The following PIAS1 variants were observed in gnomAD, a reference collection of about 807,000 sequenced individuals.
PIAS1 encodes the protein protein inhibitor of activated STAT 1.
PIAS1 carries 6 observed loss-of-function variants against 71.3 expected under a neutral mutation model. That is an observed-to-expected ratio of 0.08 (90% CI 0.05 to 0.17). The LOEUF (loss-of-function observed/expected upper bound fraction) is 0.17. Ranked by LOEUF, PIAS1 falls within the 10% of genes least tolerant of loss-of-function variation. The pLI is 1.00. For synonymous variants in PIAS1, 303 were observed against 292.9 expected (o/e 1.03, Z -0.35); for missense variants, 555 against 793.6 (o/e 0.70, Z 3.61).
intron 1 of PIAS1, among the ~76,000 whole-genome samples, chr15:68,083,791 T>A (rs1455075287): frequency 2.0e-5 from 3 of 150,802 alleles, no homozygotes; most frequent in African/African-American, 7.3e-5. Flanking sequence ...ACCCAGTTAC[T>A]CAGGAGGCCG....
At chr15:68,130,440 T>G (rs1350223004) in intron 2 of PIAS1, among the ~76,000 whole-genome samples, 1 of 151,976 alleles carries the variant, frequency 6.6e-6, no homozygotes, top group Non-Finnish European at 1.5e-5. Flanking sequence ...TTTTTCTACA[T>G]GTATATGCAG....
chr15:68,062,550 C>T lies in PIAS1; in HGVS notation c.24+8200C>T, dbSNP rs574302701. Among the ~76,000 whole-genome samples the T allele has an allele frequency of 3.9e-5, 6 of 152,320 alleles. No homozygotes were observed. In the South Asian group the frequency reaches 8.3e-4, roughly 21 times the overall value. On this transcript the variant is annotated intron_variant, in intron 1 of 13. Coordinates refer to ENST00000249636, the MANE Select transcript of PIAS1 (RefSeq NM_016166.3). ...CCCAAACCTTACCTCACTCTTAGCC[C>T]TAGGCGACTGATAATCTATTTTGAG...
At position 68,072,399 on chromosome 15, in the gene PIAS1, C is replaced by CAAAAAAAAAA. The variant is rs1166484451; in HGVS notation, c.25-13887_25-13878dup. ...TGGGTGACAGAGCGAGACTCCATCTCAAAAAAAAAAAAAAAAAAAAAAAAA... is the reference window on the plus strand; with the variant it reads ...TGGGTGACAGAGCGAGACTCCATCTCAAAAAAAAAAAAAAAAAAAAAAAAAAAAAAAAAAA... On this transcript the variant is annotated intron_variant, in intron 1 of 13. Coordinates refer to ENST00000249636, the MANE Select transcript of PIAS1 (RefSeq NM_016166.3). 2.3e-3 allele frequency among the ~76,000 whole-genome samples: 58 copies of CAAAAAAAAAA among 25,026 alleles called. 5 individuals are homozygous for CAAAAAAAAAA. The highest frequency in any genetic ancestry group is 7.5e-3 in the African/African-American group (56 of 7,502). 16.4% of individuals were successfully genotyped at this position (25,026 alleles called of 152,430 possible). A position where few individuals can be genotyped will look rare whatever the true frequency, so the allele number is the denominator to read the frequency against.
chr15:68,101,005 C>T (rs1312861285), intron 2 of PIAS1, among the ~76,000 whole-genome samples: 2 of 151,836 alleles, frequency 1.3e-5, no homozygotes, highest in African/African-American at 2.4e-5. Context: ...AGGTGATCCT[C>T]CCGCCTCTCA....
chr15:68,060,037 T>TG (rs1180796600), intron 1 of PIAS1, among the ~76,000 whole-genome samples: 2 of 152,198 alleles, frequency 1.3e-5, no homozygotes, highest in East Asian at 3.8e-4. Context: ...TATTAAATGA[T>TG]GGCAGATACA....
chr15:68,065,588 G>GA (rs572054813), intron 1 of PIAS1, among the ~76,000 whole-genome samples: 38,370 of 117,288 alleles, frequency 0.33, 5,719 homozygotes, highest in Middle Eastern at 0.44. Context: ...CCTGTCTCGA[G>GA]AAAAAAAAAA....
chr15:68,162,296 C>T (rs993560891), intron 7 of PIAS1, among the ~76,000 whole-genome samples: 5 of 152,038 alleles, frequency 3.3e-5, no homozygotes, highest in Non-Finnish European at 5.9e-5. Context: ...ATACTATGAT[C>T]TATAATATTG....
At chr15:68,143,749 T>A (rs1189026152) in intron 4 of PIAS1, among the ~76,000 whole-genome samples, 2 of 152,098 alleles carry the variant, frequency 1.3e-5, no homozygotes, top group Non-Finnish European at 2.9e-5. Context: ...TTTTCAAACT[T>A]GTTGCATGGA....
rs543999659 is a variant in PIAS1 at position 68,183,208 on chromosome 15, C to CTAA, written c.1625-421_1625-419dup. On this transcript the variant is annotated intron_variant, in intron 12 of 13. Coordinates refer to ENST00000249636, the MANE Select transcript of PIAS1 (RefSeq NM_016166.3). ...AAATCAGTACTACAACTTACTTAAC[C>CTAA]TAACTCTTTCAACTTCAAACTTTCT... is the stretch of plus-strand genomic sequence containing the variant. Among the ~76,000 whole-genome samples the CTAA allele has an allele frequency of 6.1e-4, 93 of 152,334 alleles. No individual in the cohort carries two copies. The South Asian group carries it at 0.012, about 19-fold the overall frequency.
At chr15:68,156,544 T>C (rs1187803991) in intron 7 of PIAS1, among the ~76,000 whole-genome samples, 1 of 151,680 alleles carries the variant, frequency 6.6e-6, no homozygotes, top group African/African-American at 2.4e-5. Flanking sequence ...CTGTCTCTAC[T>C]AAAAATACAA....
chr15:68,097,267 C>A (rs1586616), intron 2 of PIAS1, among the ~76,000 whole-genome samples: 13 of 151,922 alleles, frequency 8.6e-5, no homozygotes, highest in African/African-American at 2.4e-4. Flanking sequence ...ATGTAAAACC[C>A]TTTTCATATG....
intron 7 of PIAS1, among the ~76,000 whole-genome samples, chr15:68,156,504 T>TC (rs34488230): frequency 0.42 from 62,966 of 151,482 alleles, 14,622 homozygotes; most frequent in East Asian, 0.84. Flanking sequence ...GGTCAGGAGT[T>TC]CAGACCAGCC....
chr15:68,104,272 A>G (rs1956462026), intron 2 of PIAS1, among the ~76,000 whole-genome samples: 1 of 152,146 alleles, frequency 6.6e-6, no homozygotes, highest in Non-Finnish European at 1.5e-5. Context: ...TTGTTCTGCC[A>G]TCTTAATTTG....
intron 2 of PIAS1, among the ~76,000 whole-genome samples, chr15:68,103,332 CTT>C (rs11306018): frequency 0.013 from 1,869 of 145,604 alleles, 15 homozygotes; most frequent in East Asian, 0.033. Context: ...TATTATTATC[CTT>C]TTTTTTTTTT....
At chr15:68,148,008 C>G (rs534434625) in intron 6 of PIAS1, among the ~76,000 whole-genome samples, 1 of 152,234 alleles carries the variant, frequency 6.6e-6, no homozygotes, top group South Asian at 2.1e-4. Context: ...TCAAAACTGG[C>G]AGTACCATAG....
In PIAS1 at chr15:68,176,507, C is replaced by T. The variant is rs139426789; in HGVS notation, c.1334C>T (p.Ala445Val). ...AGCTCCACATTGGAGCATCAGGTAG[C>T]GTCTCACCACCAGTCCTCAAATAAA... ...CLSSTLEHQV[A>V]SHHQSSNKNK... is the part of the protein sequence containing the mutation. Residue 445 changes from alanine to valine, a missense_variant, in exon 11 of 14, where the codon GCG becomes GTG. Around this residue, in one of 5 missense-constraint regions of PIAS1, gnomAD observed 244 missense variants for 307.5 expected, o/e 0.79. Coordinates refer to ENST00000249636, the MANE Select transcript of PIAS1 (RefSeq NM_016166.3). 2.0e-4 allele frequency: 329 copies of T among 1,608,842 alleles called. 1 individual carries two copies. In the African/African-American group the frequency reaches 3.6e-3, roughly 17 times the overall value.
intron 6 of PIAS1, among the ~76,000 whole-genome samples, chr15:68,151,999 G>C (rs2141060692): frequency 8.4e-6 from 1 of 119,238 alleles, no homozygotes; most frequent in African/African-American, 3.2e-5. Context: ...ACCCAGGCTG[G>C]AGTGCAGTGG....
chr15:68,179,046 T>C (rs899643337), intron 11 of PIAS1, among the ~76,000 whole-genome samples: 42 of 152,244 alleles, frequency 2.8e-4, no homozygotes, highest in African/African-American at 9.4e-4. Context: ...CTTGAAAGTT[T>C]ACATCCTTAG....
chr15:68,128,729 GA>G (rs2092669730), intron 2 of PIAS1, among the ~76,000 whole-genome samples: 1 of 152,154 alleles, frequency 6.6e-6, no homozygotes, highest in Non-Finnish European at 1.5e-5. Context: ...GAGTTTCTCT[GA>G]AGGGTCTGTT....
Sources: gnomAD v4.1 joint callset for allele counts (sites outside exome capture counted in the v4.1 genomes callset) on GRCh38, gnomAD v4.1.1 for gene constraint, gnomAD v4.1.1 regional missense constraint, MANE v1.5 for transcripts, NCBI Gene and HGNC (gene_info 2026-07-23, HGNC 2026-07-21) for gene names.